FBXL7: variants seen among roughly 807,000 people sequenced by gnomAD.
FBXL7 encodes the protein F-box and leucine rich repeat protein 7, also known as F-box/LRR-repeat protein 7.
A neutral mutation model predicts 38.3 loss-of-function variants in FBXL7; 12 were observed. The observed-to-expected ratio is 0.31, with a 90% confidence interval of 0.20 to 0.51. The LOEUF is 0.51. FBXL7 is among the 20% of genes least tolerant of loss of function. The probability of loss-of-function intolerance (pLI) is 0.98; values close to 1 mark genes in which losing one functional copy is unlikely to be tolerated. For synonymous variants in FBXL7, 297 were observed against 300.9 expected (o/e 0.99, Z 0.13); for missense variants, 567 against 676.4 (o/e 0.84, Z 1.79).
intron 1 of FBXL7, among the ~76,000 whole-genome samples, chr5:15,597,416 A>T (rs1426717291): frequency 6.6e-6 from 1 of 151,834 alleles, no homozygotes; most frequent in African/African-American, 2.4e-5. Context: ...AAAGATATAT[A>T]AATCTTGAAG....
intron 2 of FBXL7, among the ~76,000 whole-genome samples, chr5:15,716,894 A>T: frequency 6.6e-6 from 1 of 152,164 alleles, no homozygotes; most frequent in Non-Finnish European, 1.5e-5. Flanking sequence ...AGGTAAAGCA[A>T]CTGTTCACTC....
At chr5:15,799,335 G>T (rs1452920309) in intron 2 of FBXL7, among the ~76,000 whole-genome samples, 13 of 150,082 alleles carry the variant, frequency 8.7e-5, no homozygotes, top group African/African-American at 3.2e-4. Flanking sequence ...GATCTTTTAG[G>T]TGCCTGCCCT....
At chr5:15,796,817 C>T (rs1579470338) in intron 2 of FBXL7, among the ~76,000 whole-genome samples, 2 of 152,184 alleles carry the variant, frequency 1.3e-5, no homozygotes, top group East Asian at 3.9e-4. Context: ...ATTAGGTTGG[C>T]CAAGTCAATG....
chr5:15,506,828 G>A (rs972422230), intron 1 of FBXL7, among the ~76,000 whole-genome samples: 8 of 151,686 alleles, frequency 5.3e-5, no homozygotes, highest in East Asian at 1.9e-4. Flanking sequence ...ATGCTATCAC[G>A]TTGGGATTAG....
intron 2 of FBXL7, among the ~76,000 whole-genome samples, chr5:15,698,769 A>G (rs1743425942): frequency 6.6e-6 from 1 of 152,242 alleles, no homozygotes; most frequent in African/African-American, 2.4e-5. Flanking sequence ...ACAATTTTCC[A>G]TAACAAAGGT....
At chr5:15,874,868 C>T (rs931146083) in intron 2 of FBXL7, among the ~76,000 whole-genome samples, 8 of 152,126 alleles carry the variant, frequency 5.3e-5, no homozygotes, top group Non-Finnish European at 1.2e-4. Context: ...AATGCTATCC[C>T]CATCAAGCTA....
chr5:15,885,801 C>A (rs1740652136), intron 2 of FBXL7, among the ~76,000 whole-genome samples: 1 of 152,098 alleles, frequency 6.6e-6, no homozygotes, highest in Non-Finnish European at 1.5e-5. Flanking sequence ...CTCAATTTCC[C>A]AGGTTTAAGG....
intron 2 of FBXL7, among the ~76,000 whole-genome samples, chr5:15,774,630 G>A (rs532838890): frequency 6.6e-6 from 1 of 152,288 alleles, no homozygotes; most frequent in South Asian, 2.1e-4. Context: ...GTTTTGCTAA[G>A]GGTGTGCCAC....
chr5:15,737,018 C>A (rs191850303), intron 2 of FBXL7, among the ~76,000 whole-genome samples: 2 of 152,128 alleles, frequency 1.3e-5, no homozygotes, highest in Non-Finnish European at 2.9e-5. Flanking sequence ...GTTATCCTTC[C>A]ATTTCATCAC....
intron 2 of FBXL7, among the ~76,000 whole-genome samples, chr5:15,693,968 T>G (rs900751499): frequency 3.9e-5 from 6 of 152,186 alleles, no homozygotes; most frequent in African/African-American, 1.4e-4. Context: ...CCCAGGATAC[T>G]GAAAGCCCTC....
In FBXL7 at chr5:15,842,744, T is replaced by C. The variant is rs1395395532; in HGVS notation, c.128-85146T>C. Among the ~76,000 whole-genome samples, 4 of 152,180 alleles carry C rather than the reference T, an allele frequency of 2.6e-5. No individual in the cohort carries two copies. In the East Asian group the frequency reaches 5.8e-4, roughly 22 times the overall value. ...TATCTGATGGTTTTATAAATAGAAG[T>C]TCCCCTGCACAAGCTCTTGTTTGCC... On this transcript the variant is annotated intron_variant, in intron 2 of 3. Transcript: ENST00000504595.
intron 2 of FBXL7, among the ~76,000 whole-genome samples, chr5:15,638,183 A>AG (rs1444263907): frequency 6.6e-6 from 1 of 152,216 alleles, no homozygotes; most frequent in African/African-American, 2.4e-5. Context: ...GCAGACCCAA[A>AG]GGAAAGAGCC....
chr5:15,683,281 A>G (rs941678800), intron 2 of FBXL7, among the ~76,000 whole-genome samples: 1 of 152,076 alleles, frequency 6.6e-6, no homozygotes, highest in Non-Finnish European at 1.5e-5. Flanking sequence ...AAATGTTGTG[A>G]GTATATTTAG....
chr5:15,808,220 T>G (rs1737766847), intron 2 of FBXL7, among the ~76,000 whole-genome samples: 1 of 152,172 alleles, frequency 6.6e-6, no homozygotes, highest in South Asian at 2.1e-4. Flanking sequence ...CAATGGGCAT[T>G]TTTCAGATTT....
intron 2 of FBXL7, among the ~76,000 whole-genome samples, chr5:15,895,817 T>C (rs1335009301): frequency 3.3e-5 from 5 of 150,280 alleles, no homozygotes; most frequent in Non-Finnish European, 7.4e-5. Flanking sequence ...CTAATTTTTT[T>C]GTATTTTTAG....
At chr5:15,678,124 G>T (rs1742722306) in intron 2 of FBXL7, among the ~76,000 whole-genome samples, 1 of 152,060 alleles carries the variant, frequency 6.6e-6, no homozygotes, top group Non-Finnish European at 1.5e-5. Context: ...GAGGCTGGAG[G>T]GATATACATC....
Position 15,596,684 on chromosome 5 carries a change from C to T in FBXL7, c.38-19299C>T, listed in dbSNP as rs1367038038. On this transcript the variant is annotated intron_variant, in intron 1 of 3. Transcript: ENST00000504595. Reference sequence around the variant, plus strand: ...CATTCTGGGCACAGAATCCCCAAGGCGGGGAGAAGGGCTGAAGGTTGAGTT... The same window carrying T: ...CATTCTGGGCACAGAATCCCCAAGGTGGGGAGAAGGGCTGAAGGTTGAGTT... 3.9e-5 allele frequency among the ~76,000 whole-genome samples: 6 copies of T among 152,108 alleles called. 1 individual carries two copies. The South Asian group carries it at 6.2e-4, about 16-fold the overall frequency.
At chr5:15,774,329 T>C (rs1268300658) in intron 2 of FBXL7, among the ~76,000 whole-genome samples, 1 of 141,492 alleles carries the variant, frequency 7.1e-6, no homozygotes, top group African/African-American at 2.6e-5. Flanking sequence ...TACTCTTAAC[T>C]TGATCTACAC....
intron 2 of FBXL7, among the ~76,000 whole-genome samples, chr5:15,807,418 G>T (rs1262933330): frequency 6.6e-6 from 1 of 152,130 alleles, no homozygotes; most frequent in Non-Finnish European, 1.5e-5. Flanking sequence ...ATGACCATGG[G>T]GAAGGAAGAA....
Sources: allele counts gnomAD v4.1 joint callset (sites outside exome capture counted in the v4.1 genomes callset), GRCh38; gene constraint gnomAD v4.1.1; transcripts MANE v1.5; gene names NCBI Gene and HGNC (gene_info 2026-07-23, HGNC 2026-07-21).